CNOT1: variants seen among roughly 807,000 people sequenced by gnomAD.
CNOT1 encodes the protein CCR4-associated factor 1.
A neutral mutation model predicts 273.8 loss-of-function variants in CNOT1; 15 were observed. The observed-to-expected ratio is 0.05, with a 90% CI of 0.04 to 0.08. The LOEUF (loss-of-function observed/expected upper bound fraction) is 0.08, where lower values mean the gene tolerates loss of function less well. Ranked by LOEUF, CNOT1 falls within the 10% of genes least tolerant of loss-of-function variation. CNOT1 has a pLI of 1.00. For missense variants in CNOT1, 1,644 were observed against 2,912.2 expected, an observed-to-expected ratio of 0.56 and a Z score of 10.02; for synonymous variants, 1,022 against 1,005.5, an observed-to-expected ratio of 1.02 and a Z score of -0.31.
chr16:58,531,879 T>A, intron 42 of CNOT1, 79 bp downstream of exon 42: 2 of 1,503,202 alleles, frequency 1.3e-6, no homozygotes, highest in Non-Finnish European at 1.8e-6. Context: ...AAATGACTAA[T>A]AGAAATCTAT....
chr16:58,575,889 A>G (rs924609145), intron 14 of CNOT1, among the ~76,000 whole-genome samples: 2 of 152,180 alleles, frequency 1.3e-5, no homozygotes, highest in Non-Finnish European at 2.9e-5. Context: ...TTTCCCCAAA[A>G]ACTGTATCTA....
rs139327869 is a variant in CNOT1, at chr16:58,587,532, C to T, written c.310-119G>A. 35 of 1,386,332 alleles carry T rather than the reference C, an allele frequency of 2.5e-5. 1 individual carries two copies. In the South Asian group the frequency reaches 4.7e-4, roughly 19 times the overall value. The allele number at this position is 1,386,332 out of a possible 1,614,324, so 85.9% of individuals were successfully genotyped here. A position where few individuals can be genotyped will look rare whatever the true frequency, so the allele number is the denominator to read the frequency against. On this transcript the variant is annotated intron_variant, in intron 4 of 48. Coordinates refer to ENST00000317147, the MANE Select transcript of CNOT1 (RefSeq NM_016284.5). ...GGAGTTGCTTAATTCTGTAGTGTTACTAGAAACATTACACTATGTCCTAAA... is the reference window on the plus strand; with the variant it reads ...GGAGTTGCTTAATTCTGTAGTGTTATTAGAAACATTACACTATGTCCTAAA...
chr16:58,547,457 C>G lies in CNOT1; in HGVS notation c.3639+109G>C. 3 of 1,508,116 alleles carry G rather than the reference C, an allele frequency of 2.0e-6. No individual in the cohort carries two copies. Among genetic ancestry groups the G allele is most frequent in the Non-Finnish European group, 1.8e-6 (2 of 1,122,528 alleles). 93.4% of individuals were successfully genotyped at this position (1,508,116 alleles called of 1,614,324 possible). A position where few individuals can be genotyped will look rare whatever the true frequency, so the allele number is the denominator to read the frequency against. On this transcript the variant is annotated intron_variant, in intron 26 of 48. Coordinates refer to ENST00000317147, the MANE Select transcript of CNOT1 (RefSeq NM_016284.5). This position sits in a 1 kb window ranked among gnomAD's most constrained non-coding sequence, Gnocchi z 4.0. ...AGGGGTTAACAACTCAAAACGTGGG[C>G]CAAAATCTTACAAAACCCCAATAAT...
intron 2 of CNOT1, among the ~76,000 whole-genome samples, chr16:58,594,291 A>G (rs916272193): frequency 6.6e-6 from 1 of 152,136 alleles, no homozygotes; most frequent in Admixed American, 6.6e-5. Flanking sequence ...AGCCAGACAC[A>G]GAAGGCCACA....
chr16:58,628,320 A>G (rs2043670375), intron 1 of CNOT1, among the ~76,000 whole-genome samples: 1 of 152,190 alleles, frequency 6.6e-6, no homozygotes, highest in Non-Finnish European at 1.5e-5. Context: ...ATAATTATTT[A>G]AACTGTTACC....
chr16:58,532,260 T>C lies in CNOT1; in HGVS notation c.6031A>G (p.Ile2011Val), dbSNP rs750199679. The C allele has an allele frequency of 6.2e-7, 1 of 1,614,142 alleles. No individual in the cohort carries two copies. The highest frequency in any genetic ancestry group is 8.5e-7 in the Non-Finnish European group (1 of 1,179,992). Residue 2011 changes from isoleucine (I) to valine (V), a missense_variant, in exon 41 of 49, where the codon ATT becomes GTT. By Grantham distance (29) the Ile-to-Val change is conservative. Around this residue, in one of 13 missense-constraint regions of CNOT1, gnomAD observed 133 missense variants for 328.2 expected, o/e 0.41. Coordinates refer to ENST00000317147, the MANE Select transcript of CNOT1 (RefSeq NM_016284.5). The stretch of plus-strand genomic sequence containing the variant: ...AAAGCTGTAAGTGTCTGGAAATTAA[T>C]GGTTTCCAACACATGCTCAGGTGCA... ...LNAPEHVLET[I>V]NFQTLTAFCN...
chr16:58,592,529 G>C (rs906558284), intron 2 of CNOT1, among the ~76,000 whole-genome samples: 2 of 152,114 alleles, frequency 1.3e-5, no homozygotes, highest in Admixed American at 6.6e-5. Flanking sequence ...AGCGTGCCAT[G>C]AATGTGTCTG....
chr16:58,524,067 G>A (rs2039496704), intron 46 of CNOT1, among the ~76,000 whole-genome samples: 1 of 151,988 alleles, frequency 6.6e-6, no homozygotes, highest in African/African-American at 2.4e-5. Flanking sequence ...GGCCAACATG[G>A]TGAAACCCCA....
At chr16:58,530,964 A>G (rs1450498920) in intron 42 of CNOT1, among the ~76,000 whole-genome samples, 1 of 152,182 alleles carries the variant, frequency 6.6e-6, no homozygotes, top group Non-Finnish European at 1.5e-5. Flanking sequence ...AACTTCCGAG[A>G]GAACACAAAA....
At chr16:58,568,101 G>A (rs1283262881) in intron 16 of CNOT1, among the ~76,000 whole-genome samples, 4 of 152,190 alleles carry the variant, frequency 2.6e-5, no homozygotes, top group East Asian at 3.8e-4. Flanking sequence ...GGCCGGGCAC[G>A]GTGGCTCACG....
chr16:58,528,094 C>A (rs1359890503), intron 44 of CNOT1: 1 of 455,628 alleles, frequency 2.2e-6, no homozygotes, highest in East Asian at 6.9e-5. Context: ...GCCTGGGTCA[C>A]AGAGTAAGAC....
intron 29 of CNOT1, 43 bp downstream of exon 29, chr16:58,546,278 T>C: frequency 2.6e-6 from 4 of 1,512,738 alleles, no homozygotes; most frequent in Non-Finnish European, 3.7e-6. Flanking sequence ...TAAGATAGTA[T>C]CCTAGCTAAC....
chr16:58,625,684 C>CAAAAAAAAA (rs374135053), intron 1 of CNOT1, among the ~76,000 whole-genome samples: 1 of 142,274 alleles, frequency 7.0e-6, no homozygotes. Flanking sequence ...AACTCTCTCT[C>CAAAAAAAAA]AAAAAAAAAA....
intron 1 of CNOT1, among the ~76,000 whole-genome samples, chr16:58,623,688 T>C (rs1192356574): frequency 6.6e-6 from 1 of 152,110 alleles, no homozygotes; most frequent in Non-Finnish European, 1.5e-5. Context: ...TAATAAACTC[T>C]TGAACCTAAG....
intron 41 of CNOT1, 54 bp from the exon 42 acceptor site, chr16:58,532,129 C>T (rs907441036): frequency 6.2e-7 from 1 of 1,611,534 alleles, no homozygotes; most frequent in African/African-American, 1.3e-5. Flanking sequence ...ATACAGTGAA[C>T]AGCACATGAA....
intron 9 of CNOT1, 35 bp downstream of exon 9, chr16:58,583,021 T>C: frequency 6.2e-7 from 1 of 1,613,244 alleles, no homozygotes. Context: ...GACAGGACAT[T>C]AACTCACTTG....
At position 58,553,793 on chromosome 16, in the gene CNOT1, G is replaced by T. The variant is rs764165127; in HGVS notation, c.2959C>A (p.His987Asn). 6.2e-7 allele frequency: 1 copy of T among 1,611,852 alleles called. No individual in the cohort carries two copies. Among genetic ancestry groups the T allele is most frequent in the Non-Finnish European group, 8.5e-7 (1 of 1,179,408 alleles). ...CAGAGGGCACTTACCTCCTGTAAATGATGTGGAAATTGCATAAAGTGACTG... is the reference window on the plus strand; with the variant it reads ...CAGAGGGCACTTACCTCCTGTAAATTATGTGGAAATTGCATAAAGTGACTG... ...SISHFMQFPH[H>N]LQEYIEYGQQ... The change falls in exon 22 of 49, where the codon CAT becomes AAT. Residue 987 changes from histidine (H) to asparagine (N), a missense_variant. His to Asn is a moderately conservative substitution (Grantham distance 68, BLOSUM62 1). Around this residue, in one of 13 missense-constraint regions of CNOT1, gnomAD observed 77 missense variants for 90.5 expected, o/e 0.85. Transcript: ENST00000317147.
chr16:58,597,535 A>G (rs997542798), intron 2 of CNOT1: 10 of 263,784 alleles, frequency 3.8e-5, no homozygotes, highest in African/African-American at 1.8e-4. Flanking sequence ...CCTCCTCAAC[A>G]CAAAAAAAAG....
chr16:58,620,365 G>C (rs1279958625), intron 1 of CNOT1, among the ~76,000 whole-genome samples: 2 of 152,190 alleles, frequency 1.3e-5, no homozygotes, highest in Non-Finnish European at 2.9e-5. Context: ...AAGAGGCTGG[G>C]TGCGGTGGCT....
Sources: gnomAD v4.1 joint callset for allele counts (sites outside exome capture counted in the v4.1 genomes callset) on GRCh38, gnomAD v4.1.1 for gene constraint, gnomAD v4.1.1 regional missense constraint, Gnocchi (gnomAD v3.1) non-coding constraint, MANE v1.5 for transcripts, NCBI Gene and HGNC (gene_info 2026-07-23, HGNC 2026-07-21) for gene names.